Variants in PKP4 observed in about 807,000 individuals in gnomAD.
PKP4 encodes plakophilin-4.
Under a neutral mutation model 145.1 loss-of-function variants are expected in PKP4, and 90 were observed. The ratio of observed to expected loss-of-function variants is 0.62; its 90% CI spans 0.52 to 0.74. PKP4 has a LOEUF of 0.74. PKP4 is among the 30% of genes least tolerant of loss of function. PKP4 has a pLI of 0.00. For missense variants in PKP4, 1,340 were observed against 1,482.7 expected (o/e 0.90, Z 1.58); for synonymous variants, 563 against 577.2 (o/e 0.98, Z 0.35).
At chr2:158,517,908 C>T (rs1003297367) in intron 1 of PKP4, among the ~76,000 whole-genome samples, 1 of 151,380 alleles carries the variant, frequency 6.6e-6, no homozygotes, top group African/African-American at 2.4e-5. Context: ...AGAGCGAGAC[C>T]CTGTCTCAAA....
At position 158,534,997 on chromosome 2, in the gene PKP4, T is replaced by C. The variant is rs140790379; in HGVS notation, c.132+1681T>C. Among the ~76,000 whole-genome samples, 944 of 152,314 alleles carry C rather than the reference T, an allele frequency of 6.2e-3. 15 individuals carry two copies. The highest frequency in any genetic ancestry group is 0.022 in the African/African-American group (904 of 41,572). ...TTGGTTCTGTTCCTATCCTGAGAAA[T>C]TGGAGTTCATTAATATATATTTGCC... On this transcript the variant is annotated intron_variant, in intron 2 of 21. Coordinates refer to ENST00000389759, the MANE Select transcript of PKP4 (RefSeq NM_003628.6).
intron 11 of PKP4, among the ~76,000 whole-genome samples, chr2:158,652,398 G>A (rs2055453857): frequency 6.6e-6 from 1 of 152,140 alleles, no homozygotes; most frequent in African/African-American, 2.4e-5. Flanking sequence ...CAGGATGTAG[G>A]TGCCATAGCA....
chr2:158,546,232 A>G (rs545564628), intron 2 of PKP4, among the ~76,000 whole-genome samples: 2 of 152,298 alleles, frequency 1.3e-5, no homozygotes, highest in African/African-American at 4.8e-5. Flanking sequence ...TTCTTTTGCC[A>G]TATGTTCTTT....
At position 158,642,508 on chromosome 2, in the gene PKP4, A is replaced by T. The variant is rs750922618; in HGVS notation, c.1718A>T (p.Lys573Met). The change falls in exon 11 of 22, where the codon AAG (lysine) becomes ATG (methionine). Residue 573 changes from lysine to methionine, a missense_variant. By Grantham distance (95) the Lys-to-Met change is moderately conservative. Transcript: ENST00000389759. Reference protein sequence around the residue: ...KMEVCRLGGIKHLVDLLDHRV... With the variant: ...KMEVCRLGGIMHLVDLLDHRV... Reference sequence around the variant, plus strand: ...TAGGTGTGTAGGTTAGGGGGAATCAAGCATCTGGTTGACCTTCTGGACCAC... The same window carrying T: ...TAGGTGTGTAGGTTAGGGGGAATCATGCATCTGGTTGACCTTCTGGACCAC... 3 of 1,611,118 alleles carry T rather than the reference A, an allele frequency of 1.9e-6. No homozygotes were observed. Among genetic ancestry groups the T allele is most frequent in the Non-Finnish European group, 2.5e-6 (3 of 1,177,710 alleles).
intron 3 of PKP4, among the ~76,000 whole-genome samples, chr2:158,585,810 T>A (rs1311536908): frequency 6.6e-6 from 1 of 151,566 alleles, no homozygotes; most frequent in Non-Finnish European, 1.5e-5. Flanking sequence ...ACTTTTGAAG[T>A]GTACAATTCA....
intron 2 of PKP4, among the ~76,000 whole-genome samples, chr2:158,563,169 T>C (rs1054464748): frequency 7.9e-5 from 12 of 152,276 alleles, no homozygotes; most frequent in African/African-American, 2.9e-4. Flanking sequence ...CTTTGATAGG[T>C]CAGAATTGGA....
chr2:158,634,790 A>G (rs774004166), intron 9 of PKP4, among the ~76,000 whole-genome samples: 10 of 152,228 alleles, frequency 6.6e-5, no homozygotes, highest in Non-Finnish European at 1.2e-4. Flanking sequence ...TGTGACATTT[A>G]GGAGAAGACA....
intron 2 of PKP4, among the ~76,000 whole-genome samples, chr2:158,546,132 T>C (rs980211440): frequency 6.6e-6 from 1 of 152,212 alleles, no homozygotes; most frequent in African/African-American, 2.4e-5. Flanking sequence ...TTATTTGAAC[T>C]GAATTTTAGT....
At chr2:158,468,663 A>G (rs1280996464) in intron 1 of PKP4, among the ~76,000 whole-genome samples, 1 of 152,056 alleles carries the variant, frequency 6.6e-6, no homozygotes, top group African/African-American at 2.4e-5. Flanking sequence ...GATTGGAATT[A>G]ATCCAGTCGT....
At chr2:158,487,132 G>A (rs1053656129) in intron 1 of PKP4, among the ~76,000 whole-genome samples, 4 of 152,104 alleles carry the variant, frequency 2.6e-5, no homozygotes, top group East Asian at 1.9e-4. Flanking sequence ...AGTTTGTCAC[G>A]CTATGATTCA....
At chr2:158,529,492 C>G (rs1287414330) in intron 1 of PKP4, among the ~76,000 whole-genome samples, 1 of 152,192 alleles carries the variant, frequency 6.6e-6, no homozygotes, top group African/African-American at 2.4e-5. Context: ...CCTTTAACAC[C>G]CCACTCATCA....
intron 2 of PKP4, among the ~76,000 whole-genome samples, chr2:158,575,335 T>C (rs1453489981): frequency 6.6e-6 from 1 of 152,192 alleles, no homozygotes; most frequent in Non-Finnish European, 1.5e-5. Flanking sequence ...TGTACTTTCT[T>C]GGCAGAGCCA....
chr2:158,461,726 T>G (rs1350323694), intron 1 of PKP4, among the ~76,000 whole-genome samples: 1 of 152,180 alleles, frequency 6.6e-6, no homozygotes, highest in Non-Finnish European at 1.5e-5. Context: ...ACTTCTATAG[T>G]TTCCTCTCCA....
chr2:158,538,352 A>G (rs980430145), intron 2 of PKP4, among the ~76,000 whole-genome samples: 4 of 152,154 alleles, frequency 2.6e-5, no homozygotes, highest in African/African-American at 7.2e-5. Flanking sequence ...AAAGAGAACA[A>G]TATGGCCAAT....
chr2:158,510,557 T>C (rs1475765968), intron 1 of PKP4, among the ~76,000 whole-genome samples: 4 of 152,352 alleles, frequency 2.6e-5, no homozygotes, highest in East Asian at 3.9e-4. Flanking sequence ...AATGTCTTCT[T>C]AAGGATGAGG....
chr2:158,603,070 C>A lies in PKP4; in HGVS notation c.246C>A (p.Ser82Arg). 1 of 1,490,252 alleles carries A rather than the reference C, an allele frequency of 6.7e-7. No individual in the cohort carries two copies. Among genetic ancestry groups the A allele is most frequent in the Non-Finnish European group, 9.1e-7 (1 of 1,101,776 alleles). The allele number at this position is 1,490,252 out of a possible 1,614,324, so 92.3% of individuals were successfully genotyped here. ...GAESPSIAST[S>R]STEKSFPWRS... is the part of the protein sequence containing the mutation. ...CATTTTTTTCTTTCTTTTTCTTTAG[C>A]TCAACTGAGAAGTCATTTCCTTGGA... The change falls in exon 4 of 22, where the codon AGC becomes AGA. Residue 82 changes from serine (S) to arginine (R), a missense_variant and splice_region_variant. Physicochemically the swap from Ser to Arg is moderately radical, Grantham distance 110. Coordinates refer to ENST00000389759, the MANE Select transcript of PKP4 (RefSeq NM_003628.6).
At chr2:158,559,411 C>T (rs1394295392) in intron 2 of PKP4, among the ~76,000 whole-genome samples, 2 of 152,066 alleles carry the variant, frequency 1.3e-5, no homozygotes, top group Admixed American at 6.5e-5. Context: ...GGCAGGCAGG[C>T]ACTGTCCCAG....
chr2:158,522,579 T>A (rs1264268617), intron 1 of PKP4, among the ~76,000 whole-genome samples: 3 of 152,144 alleles, frequency 2.0e-5, no homozygotes, highest in Non-Finnish European at 4.4e-5. Context: ...CTCAAAAGAA[T>A]TCAGTCTAAT....
intron 2 of PKP4, among the ~76,000 whole-genome samples, chr2:158,570,792 G>C (rs558785167): frequency 1.3e-5 from 2 of 152,174 alleles, no homozygotes; most frequent in South Asian, 4.1e-4. Flanking sequence ...TGACTTCAAT[G>C]CCTGGAATGA....
Sources: allele counts gnomAD v4.1 joint callset (sites outside exome capture counted in the v4.1 genomes callset), GRCh38; gene constraint gnomAD v4.1.1; transcripts MANE v1.5; gene names NCBI Gene and HGNC (gene_info 2026-07-23, HGNC 2026-07-21).